PIWIL2: variants seen among roughly 807,000 people sequenced by gnomAD.
PIWIL2 encodes piwi-like protein 2.
PIWIL2 carries 81 observed loss-of-function variants against 116.5 expected under a neutral mutation model. That is an observed-to-expected ratio of 0.70 (90% CI 0.58 to 0.84). The LOEUF (loss-of-function observed/expected upper bound fraction) is 0.84. PIWIL2 is among the 40% of genes least tolerant of loss of function. The probability of loss-of-function intolerance (pLI) is 0.00; values close to 1 mark genes in which losing one functional copy is unlikely to be tolerated. For missense variants in PIWIL2, 1,272 were observed against 1,212.3 expected (o/e 1.05, Z -0.73); for synonymous variants, 489 against 429.5 (o/e 1.14, Z -1.71).
intron 20 of PIWIL2, among the ~76,000 whole-genome samples, chr8:22,326,899 C>T (rs192317688): frequency 2.8e-4 from 42 of 152,102 alleles, no homozygotes; most frequent in African/African-American, 9.2e-4. Flanking sequence ...CTGTGTTTAA[C>T]GTTTAGAGGA....
chr8:22,282,205 C>T (rs947398427), intron 4 of PIWIL2, among the ~76,000 whole-genome samples: 7 of 144,584 alleles, frequency 4.8e-5, no homozygotes, highest in South Asian at 2.2e-4. Flanking sequence ...CTCAGTGTGC[C>T]GAGTAGCTGG....
intron 1 of PIWIL2, among the ~76,000 whole-genome samples, chr8:22,277,760 A>G (rs1358162347): frequency 1.3e-5 from 2 of 152,224 alleles, no homozygotes; most frequent in Non-Finnish European, 2.9e-5. Context: ...ATTTGGTGCA[A>G]TCATAGACTG....
chr8:22,312,953 A>G (rs1009515389), intron 16 of PIWIL2, among the ~76,000 whole-genome samples: 4 of 152,104 alleles, frequency 2.6e-5, no homozygotes, highest in Admixed American at 6.6e-5. Context: ...TGCATTCTCT[A>G]TAATTCCATC....
intron 11 of PIWIL2, 139 bp from the exon 12 acceptor site, chr8:22,304,645 T>C (rs913563394): frequency 1.5e-5 from 8 of 547,286 alleles, no homozygotes; most frequent in Non-Finnish European, 2.6e-5. Flanking sequence ...AAATATATTA[T>C]GATCGGTTTG....
chr8:22,324,469 G>C (rs1831678146), intron 20 of PIWIL2, among the ~76,000 whole-genome samples: 1 of 152,016 alleles, frequency 6.6e-6, no homozygotes, highest in Non-Finnish European at 1.5e-5. Context: ...CATTCATATA[G>C]AGCAGTGTTA....
chr8:22,294,594 T>C (rs1830844300), intron 10 of PIWIL2, among the ~76,000 whole-genome samples: 2 of 143,754 alleles, frequency 1.4e-5, no homozygotes, highest in Non-Finnish European at 3.0e-5. Context: ...TGAGCCGAGA[T>C]TGTGCCAGTG....
intron 10 of PIWIL2, among the ~76,000 whole-genome samples, chr8:22,303,035 G>A (rs1256515836): frequency 6.6e-6 from 1 of 152,170 alleles, no homozygotes; most frequent in African/African-American, 2.4e-5. Context: ...TCAAAAGGTT[G>A]TACACTTTTT....
At chr8:22,325,919 T>G (rs998082588) in intron 20 of PIWIL2, among the ~76,000 whole-genome samples, 1 of 152,184 alleles carries the variant, frequency 6.6e-6, no homozygotes, top group East Asian at 1.9e-4. Context: ...TAAGTCCAAC[T>G]TGCCAGCCAA....
intron 20 of PIWIL2, among the ~76,000 whole-genome samples, chr8:22,320,179 T>A (rs1586576119): frequency 6.6e-6 from 1 of 151,994 alleles, no homozygotes; most frequent in Non-Finnish European, 1.5e-5. Flanking sequence ...GCCAGGCTGG[T>A]CTTGAACTCC....
chr8:22,326,819 G>T (rs962368125), intron 20 of PIWIL2, among the ~76,000 whole-genome samples: 19 of 151,920 alleles, frequency 1.3e-4, no homozygotes, highest in African/African-American at 4.6e-4. Flanking sequence ...ACAAGTATTT[G>T]TTTAAGTTCC....
At chr8:22,320,805 C>T (rs559998965) in intron 20 of PIWIL2, among the ~76,000 whole-genome samples, 2 of 152,184 alleles carry the variant, frequency 1.3e-5, no homozygotes, top group Admixed American at 1.3e-4. Flanking sequence ...GTTGGCCAGG[C>T]TGGTCTCAAA....
chr8:22,320,524 G>A (rs932335087), intron 20 of PIWIL2, among the ~76,000 whole-genome samples: 6 of 151,418 alleles, frequency 4.0e-5, no homozygotes, highest in African/African-American at 1.2e-4. Context: ...TGATCCGCCC[G>A]CCTCAGCCTC....
At chr8:22,350,501 CAGG>C (rs1325872210) in intron 20 of PIWIL2, among the ~76,000 whole-genome samples, 1 of 151,832 alleles carries the variant, frequency 6.6e-6, no homozygotes, top group Non-Finnish European at 1.5e-5. Flanking sequence ...GAGGCTGAGT[CAGG>C]AGGGATGGCT....
chr8:22,281,170 T>G lies in PIWIL2; in HGVS notation c.249T>G (p.Val83=). Residue 83 remains valine (V), a synonymous_variant, in exon 3 of 23, where the codon GTT becomes GTG. Coordinates refer to ENST00000356766, the MANE Select transcript of PIWIL2 (RefSeq NM_018068.5). ...TCCGAGGCCTGGGCATTGAAACAGTTTCTAAGACCCCTCTGAAACGGGAAA... is the reference window on the plus strand; with the variant it reads ...TCCGAGGCCTGGGCATTGAAACAGTGTCTAAGACCCCTCTGAAACGGGAAA... ...SMFRGLGIET[V]SKTPLKREML... 1 of 1,612,878 alleles carries G rather than the reference T, an allele frequency of 6.2e-7. No individual in the cohort carries two copies. The highest frequency in any genetic ancestry group is 1.7e-5 in the Admixed American group (1 of 59,766).
At chr8:22,332,980 ATATT>A (rs1444798792) in intron 20 of PIWIL2, among the ~76,000 whole-genome samples, 1 of 151,958 alleles carries the variant, frequency 6.6e-6, no homozygotes, top group Admixed American at 6.5e-5. Flanking sequence ...ATGTGGCTAT[ATATT>A]TGTCTGTGCA....
rs1308716504 is a variant in PIWIL2 at position 22,275,376 on chromosome 8, C to G, written c.-69C>G. 1 of 152,564 alleles carries G rather than the reference C, an allele frequency of 6.6e-6. No individual in the cohort carries two copies. The highest frequency in any genetic ancestry group is 1.5e-5 in the Non-Finnish European group (1 of 68,322). 9.5% of individuals were successfully genotyped at this position (152,564 alleles called of 1,614,324 possible). On this transcript the variant is annotated 5_prime_UTR_variant, in exon 1 of 23. Transcript: ENST00000356766. ...CCTGAGGCCGCGCGGAGCTGGGCGA[C>G]TGGGGCGAGGACTCGCGCACAGGTG...
At chr8:22,326,288 A>C (rs1831722800) in intron 20 of PIWIL2, among the ~76,000 whole-genome samples, 1 of 152,090 alleles carries the variant, frequency 6.6e-6, no homozygotes, top group Admixed American at 6.6e-5. Context: ...TGGGAGGCCA[A>C]GGCAGGTGGA....
chr8:22,289,131 AT>A (rs1830696840), intron 8 of PIWIL2, among the ~76,000 whole-genome samples: 1 of 149,810 alleles, frequency 6.7e-6, no homozygotes, highest in Non-Finnish European at 1.5e-5. Flanking sequence ...ACACAACCTA[AT>A]TTCTTTTCTT....
intron 15 of PIWIL2, 34 bp from the exon 16 acceptor site, chr8:22,311,078 G>T (rs749497770): frequency 1.3e-6 from 2 of 1,533,714 alleles, no homozygotes; most frequent in African/African-American, 2.8e-5. Context: ...TATTTAAATT[G>T]TGAGAAATAC....
Sources: allele counts gnomAD v4.1 joint callset (sites outside exome capture counted in the v4.1 genomes callset), GRCh38; gene constraint gnomAD v4.1.1; transcripts MANE v1.5; gene names NCBI Gene and HGNC (gene_info 2026-07-23, HGNC 2026-07-21).